SH2D3C: variants seen among roughly 807,000 people sequenced by gnomAD.
SH2D3C encodes SH2 domain-containing protein 3C.
A neutral mutation model predicts 75.2 loss-of-function variants in SH2D3C; 25 were observed. That is an observed-to-expected ratio of 0.33 (90% CI 0.24 to 0.46). The LOEUF is 0.46. Ranked by LOEUF, SH2D3C falls within the 20% of genes least tolerant of loss-of-function variation. SH2D3C has a pLI of 1.00. For synonymous variants in SH2D3C, 450 were observed against 473.7 expected, an observed-to-expected ratio of 0.95 and a Z score of 0.65; for missense variants, 933 against 1,165.3, an observed-to-expected ratio of 0.80 and a Z score of 2.90.
At chr9:127,771,529 C>T in intron 2 of SH2D3C, 1 of 431,822 alleles carries the variant, frequency 2.3e-6, no homozygotes, top group Non-Finnish European at 3.8e-6. Context: ...CCCTCCGCCT[C>T]GCCCGCCCGG....
At chr9:127,777,616 G>A (rs1040858533) in intron 1 of SH2D3C, among the ~76,000 whole-genome samples, 8 of 152,054 alleles carry the variant, frequency 5.3e-5, no homozygotes, top group African/African-American at 1.4e-4. Context: ...CCAGGCCTGC[G>A]GGCAGGGGAT....
At chr9:127,755,927 G>A (rs1234144683) in intron 3 of SH2D3C, among the ~76,000 whole-genome samples, 2 of 152,254 alleles carry the variant, frequency 1.3e-5, no homozygotes, top group Non-Finnish European at 2.9e-5. Context: ...CTTTCGCTGA[G>A]CTGGTGCATG....
rs574618685 is a variant in SH2D3C at position 127,738,975 on chromosome 9, C to T, written c.2408-54G>A. The stretch of plus-strand genomic sequence containing the variant: ...AGAGGCTGGGGTTCCTGTCCAGAGC[C>T]CTAGCATTCTTCAGGACCCCCCTGT... On this transcript the variant is annotated intron_variant, in intron 11 of 11. Coordinates refer to ENST00000314830, the MANE Select transcript of SH2D3C (RefSeq NM_170600.3). The surrounding 1 kb of genome is among the most constrained non-coding windows in gnomAD (Gnocchi z 5.0). 247 of 1,442,352 alleles carry T rather than the reference C, an allele frequency of 1.7e-4. 2 individuals carry two copies. The South Asian group carries it at 3.4e-3, about 20-fold the overall frequency. The allele number at this position is 1,442,352 out of a possible 1,614,324, so 89.3% of individuals were successfully genotyped here.
intron 4 of SH2D3C, among the ~76,000 whole-genome samples, chr9:127,750,638 C>G (rs1204944745): frequency 6.6e-6 from 1 of 152,264 alleles, no homozygotes; most frequent in Non-Finnish European, 1.5e-5. Flanking sequence ...ACCACCTTTT[C>G]TACCTCTGCA....
In SH2D3C at chr9:127,751,162, G is replaced by C. The variant is rs1307447847; in HGVS notation, c.684+10C>G. The C allele has an allele frequency of 6.2e-7, 1 of 1,613,138 alleles. No individual in the cohort carries two copies. The highest frequency in any genetic ancestry group is 1.7e-5 in the Admixed American group (1 of 59,986). On this transcript the variant is annotated intron_variant, in intron 4 of 11. Coordinates refer to ENST00000314830, the MANE Select transcript of SH2D3C (RefSeq NM_170600.3). The surrounding 1 kb of genome is among the most constrained non-coding windows in gnomAD (Gnocchi z 4.1). Reference sequence around the variant, plus strand: ...GTCCCGGGTTGAAGTCCAGCTCGGGGCCTACTCACCTCTCGGGGGATGCGG... The same window carrying C: ...GTCCCGGGTTGAAGTCCAGCTCGGGCCCTACTCACCTCTCGGGGGATGCGG...
intron 4 of SH2D3C, among the ~76,000 whole-genome samples, chr9:127,750,891 T>C (rs1346820162): frequency 6.6e-6 from 1 of 152,214 alleles, no homozygotes; most frequent in Non-Finnish European, 1.5e-5. Context: ...AAGGCCAACA[T>C]TCATGGTGTC....
chr9:127,747,183 T>A lies in SH2D3C; in HGVS notation c.1228A>T (p.Ile410Phe). The change falls in exon 6 of 12, where the codon ATC becomes TTC. Residue 410 changes from isoleucine to phenylalanine, a missense_variant. Coordinates refer to ENST00000314830, the MANE Select transcript of SH2D3C (RefSeq NM_170600.3). The stretch of plus-strand genomic sequence containing the variant: ...GCAGGGGAGCTAGGGCTCTCGGAGA[T>A]GGGCGACATGGGTGAGTGCAGGTCT... ...IPDLHSPMSP[I>F]SESPSSPAYS... 6.2e-7 allele frequency: 1 copy of A among 1,614,014 alleles called. No individual in the cohort carries two copies. The highest frequency in any genetic ancestry group is 8.5e-7 in the Non-Finnish European group (1 of 1,179,998).
chr9:127,743,001 C>T, intron 7 of SH2D3C, 37 bp from the exon 8 acceptor site: 2 of 1,511,538 alleles, frequency 1.3e-6, no homozygotes, highest in South Asian at 2.3e-5. Flanking sequence ...AATATCCTGT[C>T]AGGGCTGGCC....
In SH2D3C at chr9:127,745,035, G is replaced by A; in HGVS notation, c.1329C>T (p.Ala443=). 6.6e-7 allele frequency: 1 copy of A among 1,512,276 alleles called. No individual in the cohort carries two copies. The highest frequency in any genetic ancestry group is 8.8e-7 in the Non-Finnish European group (1 of 1,131,000). 93.7% of individuals were successfully genotyped at this position (1,512,276 alleles called of 1,614,324 possible). ...SATALPASPV[A]RRSSEPQLCP... ...ACAGCTGGGGCTCACTGGAACGGCG[G>A]GCGACAGGGGAGGCAGGCAATGCTG... Residue 443 remains alanine (A), a synonymous_variant, in exon 7 of 12, where the codon GCC becomes GCT. Coordinates refer to ENST00000314830, the MANE Select transcript of SH2D3C (RefSeq NM_170600.3).
chr9:127,746,614 C>A (rs1249117644), intron 6 of SH2D3C, among the ~76,000 whole-genome samples: 2 of 152,140 alleles, frequency 1.3e-5, no homozygotes, highest in East Asian at 3.9e-4. Flanking sequence ...ACCACCCTGG[C>A]CAACATGGTG....
chr9:127,761,741 G>T, intron 2 of SH2D3C, 91 bp from the exon 3 acceptor site: 1 of 1,075,144 alleles, frequency 9.3e-7, no homozygotes, highest in Non-Finnish European at 1.4e-6. Context: ...CCAGCACCTG[G>T]CCCTTAGGAC....
Position 127,751,088 on chromosome 9 carries a change from C to A in SH2D3C, c.684+84G>T. The A allele has an allele frequency of 2.2e-6, 3 of 1,384,472 alleles. No individual in the cohort carries two copies. Among genetic ancestry groups the A allele is most frequent in the Non-Finnish European group, 3.0e-6 (3 of 984,976 alleles). The allele number at this position is 1,384,472 out of a possible 1,614,324, so 85.8% of individuals were successfully genotyped here. A position where few individuals can be genotyped will look rare whatever the true frequency, so the allele number is the denominator to read the frequency against. On this transcript the variant is annotated intron_variant, in intron 4 of 11. Coordinates refer to ENST00000314830, the MANE Select transcript of SH2D3C (RefSeq NM_170600.3). This position sits in a 1 kb window ranked among gnomAD's most constrained non-coding sequence, Gnocchi z 4.1. ...CACCAAGCAACAGGTCAGAGCCTCC[C>A]AGGTGGCTGCAGCCAGGGCTGGGGC...
rs770552465 is a variant in SH2D3C at position 127,738,825 on chromosome 9, C to T, written c.2504G>A (p.Arg835Gln). Residue 835 changes from arginine to glutamine, a missense_variant, in exon 12 of 12, where the codon CGG (arginine) becomes CAG (glutamine). Transcript: ENST00000314830. This position sits in a 1 kb window ranked among gnomAD's most constrained non-coding sequence, Gnocchi z 5.0. ...GACCTTGTCGAACTTCTCATAGCGC[C>T]GGGCCTGGCTGCTGCTGGCACCCTG... Reference protein sequence around the residue: ...GSQGASSSQARRYEKFDKVLT... With the variant: ...GSQGASSSQAQRYEKFDKVLT... The T allele has an allele frequency of 8.7e-6, 14 of 1,606,200 alleles. No individual in the cohort carries two copies. The highest frequency in any genetic ancestry group is 4.5e-5 in the East Asian group (2 of 44,656).
At chr9:127,745,126 C>CCACCAAA (rs753130995) in intron 6 of SH2D3C, 27 bp from the exon 7 acceptor site, 1 of 1,464,914 alleles carries the variant, frequency 6.8e-7, no homozygotes, top group South Asian at 1.5e-5. Context: ...AGAGAGGCCC[C>CCACCAAA]GTTATAGCAG....
rs1278986848 is a variant in SH2D3C at position 127,751,065 on chromosome 9, C to T, written c.684+107G>A. On this transcript the variant is annotated intron_variant, in intron 4 of 11. Transcript: ENST00000314830. The surrounding 1 kb of genome is among the most constrained non-coding windows in gnomAD (Gnocchi z 4.1). ...TCCCAGTCCATTCTGATTGAATCCA[C>T]CAAGCAACAGGTCAGAGCCTCCCAG... is the stretch of plus-strand genomic sequence containing the variant. The T allele has an allele frequency of 9.3e-7, 1 of 1,072,310 alleles. No individual in the cohort carries two copies. The highest frequency in any genetic ancestry group is 1.4e-5 in the South Asian group (1 of 71,208). The allele number at this position is 1,072,310 out of a possible 1,614,324, so 66.4% of individuals were successfully genotyped here.
In SH2D3C at chr9:127,739,831, A is replaced by T; in HGVS notation, c.2258T>A (p.Leu753Gln). 1 of 1,580,752 alleles carries T rather than the reference A, an allele frequency of 6.3e-7. No homozygotes were observed. Among genetic ancestry groups the T allele is most frequent in the Non-Finnish European group, 8.6e-7 (1 of 1,162,642 alleles). ...CTCTGGTGGGGCCGAGTCACACTCC[A>T]GCAGGGTGATGAGGGGCAGCACATG... ...FPHVLPLITLLECDSAPPEGP... is the reference protein window; with the variant it reads ...FPHVLPLITLQECDSAPPEGP... Residue 753 changes from leucine (L) to glutamine (Q), a missense_variant, in exon 11 of 12, where the codon CTG becomes CAG. By Grantham distance (113) the Leu-to-Gln change is moderately radical. Coordinates refer to ENST00000314830, the MANE Select transcript of SH2D3C (RefSeq NM_170600.3). The surrounding 1 kb of genome is among the most constrained non-coding windows in gnomAD (Gnocchi z 4.3).
intron 1 of SH2D3C, among the ~76,000 whole-genome samples, chr9:127,776,030 T>C (rs1423993474): frequency 6.6e-6 from 1 of 152,046 alleles, no homozygotes; most frequent in Non-Finnish European, 1.5e-5. Flanking sequence ...GGTTTCACCA[T>C]GTTGGCCAGG....
intron 6 of SH2D3C, 123 bp from the exon 7 acceptor site, chr9:127,745,222 A>G (rs1844992462): frequency 5.6e-6 from 4 of 715,500 alleles, no homozygotes; most frequent in Non-Finnish European, 8.1e-6. Flanking sequence ...TGATGTCCCC[A>G]CCTCCCTGCA....
chr9:127,761,212 T>A (rs1845516993), intron 3 of SH2D3C, among the ~76,000 whole-genome samples: 3 of 152,192 alleles, frequency 2.0e-5, no homozygotes, highest in South Asian at 4.1e-4. Context: ...GTGCCCATTA[T>A]CTGTGATAAA....
Sources: gnomAD v4.1 joint callset for allele counts (sites outside exome capture counted in the v4.1 genomes callset) on GRCh38, gnomAD v4.1.1 for gene constraint, Gnocchi (gnomAD v3.1) non-coding constraint, MANE v1.5 for transcripts, NCBI Gene and HGNC (gene_info 2026-07-23, HGNC 2026-07-21) for gene names.